Variants in RHAG observed in about 807,000 individuals in gnomAD.
RHAG encodes Rh associated glycoprotein.
A neutral mutation model predicts 42.4 loss-of-function variants in RHAG; 25 were observed. The observed-to-expected ratio is 0.59, with a 90% CI of 0.43 to 0.82. The LOEUF is 0.82. Among genes scored for constraint, RHAG ranks in the 40% least tolerant of loss-of-function variants. The pLI is 0.00. For synonymous variants in RHAG, 182 were observed against 177.7 expected (o/e 1.02, Z -0.19); for missense variants, 483 against 504.6 (o/e 0.96, Z 0.41).
At chr6:49,621,703 T>A (rs967603002) in intron 1 of RHAG, among the ~76,000 whole-genome samples, 1 of 152,196 alleles carries the variant, frequency 6.6e-6, no homozygotes, top group Non-Finnish European at 1.5e-5. Context: ...TTGATCTAGA[T>A]CATAGAATAA....
chr6:49,623,649 G>C (rs952253577), intron 1 of RHAG, among the ~76,000 whole-genome samples: 1 of 152,196 alleles, frequency 6.6e-6, no homozygotes, highest in Non-Finnish European at 1.5e-5. Flanking sequence ...ACTTGAGGAA[G>C]TAGAGTGGTG....
At chr6:49,606,538 T>C (rs900120714) in intron 9 of RHAG, among the ~76,000 whole-genome samples, 2 of 152,076 alleles carry the variant, frequency 1.3e-5, no homozygotes, top group African/African-American at 4.8e-5. Context: ...TATAAATAGG[T>C]AGTTCATTCA....
chr6:49,626,606 C>T lies in RHAG; in HGVS notation c.158-7244G>A, dbSNP rs191071231. Among the ~76,000 whole-genome samples, 342 of 152,262 alleles carry T rather than the reference C, an allele frequency of 2.2e-3. 1 individual carries two copies. In the Middle Eastern group the frequency reaches 0.024, roughly 11 times the overall value. Reference sequence around the variant, plus strand: ...ACGGTGCAAGCTGTCAGTGGATCTACCATTCTGGGGTCTGGAGGATGGTGG... The same window carrying T: ...ACGGTGCAAGCTGTCAGTGGATCTATCATTCTGGGGTCTGGAGGATGGTGG... On this transcript the variant is annotated intron_variant, in intron 1 of 9. Transcript: ENST00000371175.
chr6:49,621,110 C>T (rs981627021), intron 1 of RHAG, among the ~76,000 whole-genome samples: 7 of 152,156 alleles, frequency 4.6e-5, no homozygotes, highest in African/African-American at 1.7e-4. Context: ...TACTTCTGTT[C>T]TGCCATCAGG....
chr6:49,609,067 A>G (rs1205426939), intron 7 of RHAG, among the ~76,000 whole-genome samples: 1 of 152,236 alleles, frequency 6.6e-6, no homozygotes, highest in East Asian at 1.9e-4. Flanking sequence ...CCTTAAGAAT[A>G]TTAACTTTCC....
intron 3 of RHAG, among the ~76,000 whole-genome samples, chr6:49,616,917 A>C (rs976368974): frequency 3.3e-5 from 5 of 152,136 alleles, no homozygotes; most frequent in African/African-American, 1.2e-4. Context: ...GTGGCTATTA[A>C]TCATGCTTGG....
chr6:49,618,100 G>T lies in RHAG; in HGVS notation c.460C>A (p.His154Asn). 6.2e-7 allele frequency: 1 copy of T among 1,613,792 alleles called. No homozygotes were observed. The change falls in exon 3 of 10, where the codon CAC becomes AAC. Residue 154 changes from histidine to asparagine, a missense_variant. Transcript: ENST00000371175. ...ATTTCACTAACCAGGTATTCATTGT[G>T]GGCAAAGAAAACAATTTCTAAAATT... Reference protein sequence around the residue: ...MTILEIVFFAHNEYLVSEIFK... With the variant: ...MTILEIVFFANNEYLVSEIFK...
At chr6:49,620,139 A>G (rs2127354141) in intron 1 of RHAG, among the ~76,000 whole-genome samples, 1 of 152,316 alleles carries the variant, frequency 6.6e-6, no homozygotes, top group African/African-American at 2.4e-5. Context: ...GTCTGGGGAT[A>G]TGGGCTCAGG....
In RHAG at chr6:49,619,207, C is replaced by T. The variant is rs1461977633; in HGVS notation, c.313G>A (p.Gly105Arg). The change falls in exon 2 of 10, where the codon GGA (glycine) becomes AGA (arginine). Residue 105 changes from glycine to arginine, a missense_variant. Coordinates refer to ENST00000371175, the MANE Select transcript of RHAG (RefSeq NM_000324.3). ...TIVQGILQSQ[G>R]QKFNIGIKNM... Reference sequence around the variant, plus strand: ...TTGATTCCAATGTTAAATTTCTGTCCCTGGCTTTGCAGGATTCCCTGTACA... The same window carrying T: ...TTGATTCCAATGTTAAATTTCTGTCTCTGGCTTTGCAGGATTCCCTGTACA... 4 of 1,614,050 alleles carry T rather than the reference C, an allele frequency of 2.5e-6. No individual in the cohort carries two copies. Among genetic ancestry groups the T allele is most frequent in the Non-Finnish European group, 3.4e-6 (4 of 1,179,958 alleles).
intron 1 of RHAG, among the ~76,000 whole-genome samples, chr6:49,635,865 A>G (rs1221926543): frequency 1.3e-5 from 2 of 152,156 alleles, no homozygotes; most frequent in Non-Finnish European, 2.9e-5. Context: ...TTTTTAGATT[A>G]TTTGAACCTT....
In RHAG at chr6:49,605,667, G is replaced by C; in HGVS notation, c.*146C>G. 1.3e-6 allele frequency: 1 copy of C among 789,884 alleles called. No homozygotes were observed. Among genetic ancestry groups the C allele is most frequent in the Non-Finnish European group, 2.3e-6 (1 of 437,954 alleles). 48.9% of individuals were successfully genotyped at this position (789,884 alleles called of 1,614,324 possible). ...TTGGGACTTAGGATCTATTCACTCT[G>C]GTCCATACTCTCTTTGGTTACTCCC... On this transcript the variant is annotated 3_prime_UTR_variant, in exon 10 of 10. Transcript: ENST00000371175.
chr6:49,609,102 T>A (rs531606031), intron 7 of RHAG, among the ~76,000 whole-genome samples: 8 of 152,354 alleles, frequency 5.3e-5, no homozygotes, highest in Middle Eastern at 3.4e-3. Context: ...ACCAAAAACC[T>A]AATTTGCATT....
At position 49,607,347 on chromosome 6, in the gene RHAG, A is replaced by G. The variant is rs1762493055; in HGVS notation, c.1068-127T>C. On this transcript the variant is annotated intron_variant, in intron 7 of 9. Transcript: ENST00000371175. ...TGTAACATTACACAGCAGCAAATTA[A>G]GCATTTGTTACAATTTTTCTTTCAT... 5.4e-6 allele frequency: 4 copies of G among 743,432 alleles called. No individual in the cohort carries two copies. The East Asian group carries it at 1.1e-4, about 20-fold the overall frequency. The allele number at this position is 743,432 out of a possible 1,614,324, so 46.1% of individuals were successfully genotyped here.
Position 49,619,247 on chromosome 6 carries a change from G to C in RHAG, c.273C>G (p.Leu91=), listed in dbSNP as rs1299148485. The stretch of plus-strand genomic sequence containing the variant: ...TTCCCTGTACAATAGTGCCCCACTG[G>C]AGGCCCAAAGCAGCAACGAGTAGGT... ...GINLLVAALG[L]QWGTIVQGIL... Residue 91 remains leucine, a synonymous_variant, in exon 2 of 10, where the codon CTC becomes CTG. Coordinates refer to ENST00000371175, the MANE Select transcript of RHAG (RefSeq NM_000324.3). 4.3e-6 allele frequency: 7 copies of C among 1,614,076 alleles called. No homozygotes were observed. Among genetic ancestry groups the C allele is most frequent in the Non-Finnish European group, 5.9e-6 (7 of 1,179,986 alleles).
chr6:49,625,485 C>T (rs1397887627), intron 1 of RHAG, among the ~76,000 whole-genome samples: 1 of 152,122 alleles, frequency 6.6e-6, no homozygotes, highest in Non-Finnish European at 1.5e-5. Context: ...ACAAATTAAG[C>T]ATCATTATAA....
At chr6:49,611,888 C>T (rs1762575090) in intron 6 of RHAG, among the ~76,000 whole-genome samples, 1 of 151,814 alleles carries the variant, frequency 6.6e-6, no homozygotes, top group South Asian at 2.1e-4. Flanking sequence ...ATTACAGGTA[C>T]CCGCCACCAT....
intron 1 of RHAG, among the ~76,000 whole-genome samples, chr6:49,632,358 A>G (rs1762947067): frequency 2.6e-5 from 4 of 152,194 alleles, no homozygotes; most frequent in Admixed American, 6.5e-5. Flanking sequence ...TGAAAAATGC[A>G]TGAAATGAGG....
chr6:49,609,990 G>A (rs1018959898), intron 7 of RHAG, among the ~76,000 whole-genome samples: 1 of 151,978 alleles, frequency 6.6e-6, no homozygotes, highest in East Asian at 1.9e-4. Context: ...AACACCGCAT[G>A]TTCTCACTTA....
intron 5 of RHAG, among the ~76,000 whole-genome samples, chr6:49,613,005 A>G (rs1762592425): frequency 6.6e-6 from 1 of 152,196 alleles, no homozygotes. Flanking sequence ...TACATATGAA[A>G]GACAATAGTT....
Sources: allele counts gnomAD v4.1 joint callset (sites outside exome capture counted in the v4.1 genomes callset), GRCh38; gene constraint gnomAD v4.1.1; transcripts MANE v1.5; gene names NCBI Gene and HGNC (gene_info 2026-07-23, HGNC 2026-07-21).